Variants in CDK19 observed in about 807,000 individuals in gnomAD.
CDK19 encodes cyclin dependent kinase 19.
In CDK19, 20 loss-of-function variants were observed where a neutral mutation model predicts 68.3. The ratio of observed to expected loss-of-function variants is 0.29; its 90% confidence interval spans 0.21 to 0.43. The LOEUF (loss-of-function observed/expected upper bound fraction) is 0.43, where lower values mean the gene tolerates loss of function less well. Ranked by LOEUF, CDK19 falls within the 20% of genes least tolerant of loss-of-function variation. The probability of loss-of-function intolerance (pLI) is 1.00; values close to 1 mark genes in which losing one functional copy is unlikely to be tolerated. For missense variants in CDK19, 339 were observed against 623.5 expected (o/e 0.54, Z 4.86); for synonymous variants, 221 against 222.8 (o/e 0.99, Z 0.07).
intron 1 of CDK19, among the ~76,000 whole-genome samples, chr6:110,760,396 C>CAAAAAAA (rs34613571): frequency 2.5e-5 from 1 of 39,778 alleles, no homozygotes. Context: ...GGCTTTGTCT[C>CAAAAAAA]AAAAAAAAAA....
intron 3 of CDK19, among the ~76,000 whole-genome samples, chr6:110,668,468 T>C (rs1475099169): frequency 6.6e-6 from 1 of 152,212 alleles, no homozygotes; most frequent in African/African-American, 2.4e-5. Flanking sequence ...ATAGAGTTTA[T>C]ACTACAGCAG....
At chr6:110,707,025 A>C (rs1002628137) in intron 2 of CDK19, 6 of 147,840 alleles carry the variant, frequency 4.1e-5, no homozygotes, top group African/African-American at 7.4e-5. Flanking sequence ...AAAACTGAGA[A>C]GGCAGCCGGG....
intron 4 of CDK19, among the ~76,000 whole-genome samples, chr6:110,648,450 C>G (rs1157574522): frequency 6.7e-6 from 1 of 150,294 alleles, no homozygotes; most frequent in East Asian, 1.9e-4. Context: ...ACTTCTATAG[C>G]AAGAAAAACC....
At chr6:110,726,166 T>C (rs1004166630) in intron 2 of CDK19, among the ~76,000 whole-genome samples, 5 of 152,216 alleles carry the variant, frequency 3.3e-5, no homozygotes, top group African/African-American at 1.2e-4. Context: ...TATTTCATGA[T>C]GCAACTGTTA....
chr6:110,815,371 C>T lies in CDK19; in HGVS notation c.-235G>A, dbSNP rs1469306875. ...CTCCTCCGCGACGGCGGCGGCGGCT[C>T]CCGCAGGCACCCCCAGTCCCGCCTC... On this transcript the variant is annotated 5_prime_UTR_variant, in exon 1 of 13. Transcript: ENST00000368911. 4 of 383,564 alleles carry T rather than the reference C, an allele frequency of 1.0e-5. No individual in the cohort carries two copies. The highest frequency in any genetic ancestry group is 1.4e-5 in the Non-Finnish European group (3 of 218,974). The allele number at this position is 383,564 out of a possible 1,614,324, so 23.8% of individuals were successfully genotyped here.
intron 1 of CDK19, among the ~76,000 whole-genome samples, chr6:110,792,988 A>G (rs1181659063): frequency 1.3e-5 from 2 of 152,206 alleles, no homozygotes; most frequent in African/African-American, 4.8e-5. Context: ...GGAAACTGAG[A>G]TACAGAGAGA....
chr6:110,653,274 A>C (rs1781088024), intron 4 of CDK19, among the ~76,000 whole-genome samples: 1 of 152,134 alleles, frequency 6.6e-6, no homozygotes, highest in Non-Finnish European at 1.5e-5. Flanking sequence ...AATCCTCAAG[A>C]TTCTATATTA....
intron 4 of CDK19, chr6:110,646,404 C>A (rs1780579049): frequency 1.3e-6 from 2 of 1,484,090 alleles, no homozygotes; most frequent in Non-Finnish European, 1.8e-6. Flanking sequence ...GGGCTGCTGG[C>A]GGGCGGCGAC....
intron 4 of CDK19, among the ~76,000 whole-genome samples, chr6:110,656,297 G>A (rs769997619): frequency 6.6e-6 from 1 of 152,128 alleles, no homozygotes; most frequent in Non-Finnish European, 1.5e-5. Context: ...TGTTTGTAAT[G>A]CAAATATTCT....
intron 1 of CDK19, among the ~76,000 whole-genome samples, chr6:110,802,832 G>T (rs1031378199): frequency 1.3e-5 from 2 of 152,132 alleles, no homozygotes; most frequent in African/African-American, 4.8e-5. Flanking sequence ...AAATTTGAAG[G>T]TTAGGATGAG....
intron 2 of CDK19, among the ~76,000 whole-genome samples, chr6:110,678,020 T>A (rs1454417397): frequency 6.6e-6 from 1 of 152,062 alleles, no homozygotes; most frequent in African/African-American, 2.4e-5. Context: ...CTGATTTTTT[T>A]ATTTTTTTGT....
At chr6:110,697,306 G>T (rs1293723448) in intron 2 of CDK19, among the ~76,000 whole-genome samples, 2 of 151,848 alleles carry the variant, frequency 1.3e-5, no homozygotes, top group Non-Finnish European at 2.9e-5. Context: ...CAAGATCAAT[G>T]TACACAAATT....
intron 1 of CDK19, among the ~76,000 whole-genome samples, chr6:110,758,008 G>A (rs150508309): frequency 1.3e-4 from 20 of 152,104 alleles, no homozygotes; most frequent in East Asian, 1.2e-3. Context: ...CCTGGGCAAC[G>A]TGGCAAGACC....
chr6:110,804,001 CGAAAA>C lies in CDK19; in HGVS notation c.128+11003_128+11007del, dbSNP rs772696567. ...AGAGAAGAAAGAAAGAAATACAGAACGAAAAGAAAAGAAAAGAGAGAAAGGGACGG... is the reference window on the plus strand; with the variant it reads ...AGAGAAGAAAGAAAGAAATACAGAACGAAAAGAAAAGAGAGAAAGGGACGG... On this transcript the variant is annotated intron_variant, in intron 1 of 12. Transcript: ENST00000368911. Among the ~76,000 whole-genome samples the C allele has an allele frequency of 8.6e-5, 13 of 151,972 alleles. No homozygotes were observed. The East Asian group carries it at 9.7e-4, about 11-fold the overall frequency.
At chr6:110,686,763 G>C (rs1772525385) in intron 2 of CDK19, among the ~76,000 whole-genome samples, 1 of 152,168 alleles carries the variant, frequency 6.6e-6, no homozygotes, top group Non-Finnish European at 1.5e-5. Flanking sequence ...AAAATAATCT[G>C]AAATTGACAT....
At chr6:110,705,674 G>A (rs899045751) in intron 2 of CDK19, among the ~76,000 whole-genome samples, 9 of 152,178 alleles carry the variant, frequency 5.9e-5, no homozygotes, top group African/African-American at 2.2e-4. Context: ...TGAAAACCAA[G>A]AAAGATTACC....
chr6:110,718,632 A>G (rs1775586164), intron 2 of CDK19, among the ~76,000 whole-genome samples: 1 of 68,830 alleles, frequency 1.5e-5, no homozygotes, highest in South Asian at 7.0e-4. Flanking sequence ...AGAAATCTTC[A>G]AAGTCCAAAA....
chr6:110,632,998 A>G (rs1465948340), intron 5 of CDK19, among the ~76,000 whole-genome samples: 3 of 152,046 alleles, frequency 2.0e-5, no homozygotes. Flanking sequence ...AGGCAGGTGG[A>G]TCATGAGGTC....
At chr6:110,683,008 T>A (rs938425494) in intron 2 of CDK19, among the ~76,000 whole-genome samples, 1 of 151,580 alleles carries the variant, frequency 6.6e-6, no homozygotes, top group Non-Finnish European at 1.5e-5. Context: ...AAACCCAATC[T>A]CTACTAAAAA....
Sources: allele counts gnomAD v4.1 joint callset (sites outside exome capture counted in the v4.1 genomes callset), GRCh38; gene constraint gnomAD v4.1.1; transcripts MANE v1.5; gene names NCBI Gene and HGNC (gene_info 2026-07-23, HGNC 2026-07-21).